Variants in PTCHD4 observed in about 807,000 individuals in gnomAD.
PTCHD4 encodes patched domain-containing protein 4.
PTCHD4 carries 33 observed loss-of-function variants against 58.1 expected under a neutral mutation model. The observed-to-expected ratio is 0.57, with a 90% CI of 0.43 to 0.76. The LOEUF (loss-of-function observed/expected upper bound fraction) is 0.76. PTCHD4 is among the 30% of genes least tolerant of loss of function. The probability of loss-of-function intolerance (pLI) is 0.00; values close to 1 mark genes in which losing one functional copy is unlikely to be tolerated. For synonymous variants in PTCHD4, 478 were observed against 409.6 expected, an observed-to-expected ratio of 1.17 and a Z score of -2.02; for missense variants, 1,058 against 1,027.1, an observed-to-expected ratio of 1.03 and a Z score of -0.41.
At chr6:47,978,175 T>A (rs935034678) in intron 4 of PTCHD4, among the ~76,000 whole-genome samples, 9 of 152,152 alleles carry the variant, frequency 5.9e-5, no homozygotes, top group African/African-American at 2.2e-4. Context: ...TTGATTCTTT[T>A]AGGATTTCCT....
chr6:47,918,806 G>A (rs2113881243), intron 4 of PTCHD4, among the ~76,000 whole-genome samples: 1 of 152,222 alleles, frequency 6.6e-6, no homozygotes, highest in Non-Finnish European at 1.5e-5. Flanking sequence ...GATTAACTTT[G>A]AAATTTTCAT....
intron 4 of PTCHD4, among the ~76,000 whole-genome samples, chr6:47,891,528 T>G (rs1764381620): frequency 6.6e-6 from 1 of 152,092 alleles, no homozygotes; most frequent in Admixed American, 6.6e-5. Context: ...TAATTGGCCC[T>G]CCTTTACCAA....
intron 4 of PTCHD4, among the ~76,000 whole-genome samples, chr6:47,895,514 G>C (rs1265920925): frequency 6.6e-6 from 1 of 152,094 alleles, no homozygotes; most frequent in East Asian, 1.9e-4. Flanking sequence ...CATTGACATG[G>C]GAATCTTCAA....
chr6:48,001,287 T>C lies in PTCHD4; in HGVS notation c.898+7347A>G, dbSNP rs575369893. ...AGTTCATATGGAACCAAAAAAGAGC[T>C]CACATTGCCAAGTCAATCCTAAGCC... On this transcript the variant is annotated intron_variant, in intron 4 of 4. Coordinates refer to ENST00000339488, the MANE Select transcript of PTCHD4 (RefSeq NM_001384253.1). Among the ~76,000 whole-genome samples the C allele has an allele frequency of 1.1e-3, 173 of 152,200 alleles. 1 individual carries two copies. The South Asian group carries it at 0.034, about 30-fold the overall frequency.
intron 3 of PTCHD4, among the ~76,000 whole-genome samples, chr6:48,039,841 AT>A (rs1421370560): frequency 6.6e-6 from 1 of 152,076 alleles, no homozygotes; most frequent in African/African-American, 2.4e-5. Flanking sequence ...TCAGATGAAT[AT>A]GTGATATTTA....
At chr6:48,022,015 A>G (rs1763088056) in intron 3 of PTCHD4, among the ~76,000 whole-genome samples, 1 of 152,108 alleles carries the variant, frequency 6.6e-6, no homozygotes, top group African/African-American at 2.4e-5. Flanking sequence ...CGTAGCCTTT[A>G]TTTACATTTG....
At chr6:48,069,980 A>G (rs942325307) in intron 1 of PTCHD4, among the ~76,000 whole-genome samples, 54 bp from the exon 2 acceptor site, 3 of 152,074 alleles carry the variant, frequency 2.0e-5, no homozygotes, top group African/African-American at 7.2e-5. Flanking sequence ...AGTCACTTGT[A>G]AAAAACAGTG....
chr6:47,898,681 C>T lies in PTCHD4; in HGVS notation c.899-18745G>A, dbSNP rs111332591. ...TTGTGGTAAACTAGATAGGAGGATACTTCTACCTCCCAACTTGATGTAGAC... is the reference window on the plus strand; with the variant it reads ...TTGTGGTAAACTAGATAGGAGGATATTTCTACCTCCCAACTTGATGTAGAC... On this transcript the variant is annotated intron_variant, in intron 4 of 4. Coordinates refer to ENST00000339488, the MANE Select transcript of PTCHD4 (RefSeq NM_001384253.1). 6.6e-3 allele frequency among the ~76,000 whole-genome samples: 998 copies of T among 152,278 alleles called. 10 individuals are homozygous for T. Among genetic ancestry groups the T allele is most frequent in the African/African-American group, 0.023 (950 of 41,542 alleles).
intron 4 of PTCHD4, among the ~76,000 whole-genome samples, chr6:47,955,802 A>C (rs1313632147): frequency 6.6e-6 from 1 of 152,188 alleles, no homozygotes; most frequent in Non-Finnish European, 1.5e-5. Flanking sequence ...TGTGTGAAAA[A>C]CACTGAGAGT....
chr6:48,027,035 GC>G (rs1410234622), intron 3 of PTCHD4, among the ~76,000 whole-genome samples: 2 of 151,838 alleles, frequency 1.3e-5, no homozygotes, highest in South Asian at 4.2e-4. Flanking sequence ...CTGAGTCATG[GC>G]TAAAATTTTT....
intron 3 of PTCHD4, among the ~76,000 whole-genome samples, chr6:48,027,102 T>A (rs555674270): frequency 3.3e-5 from 5 of 152,278 alleles, no homozygotes; most frequent in African/African-American, 1.2e-4. Context: ...TGTATGTTTA[T>A]ACATGTGTAT....
intron 4 of PTCHD4, among the ~76,000 whole-genome samples, chr6:47,937,470 G>T (rs1195320978): frequency 2.0e-5 from 3 of 152,198 alleles, no homozygotes; most frequent in Non-Finnish European, 4.4e-5. Flanking sequence ...ATTGGAGTTT[G>T]CTGCTAACCT....
intron 4 of PTCHD4, among the ~76,000 whole-genome samples, chr6:47,949,759 G>A (rs1766563942): frequency 6.6e-6 from 1 of 151,872 alleles, no homozygotes; most frequent in Non-Finnish European, 1.5e-5. Context: ...TGATCTATAA[G>A]CCATGTTTTC....
chr6:47,898,155 A>G (rs556019136), intron 4 of PTCHD4, among the ~76,000 whole-genome samples: 8 of 152,024 alleles, frequency 5.3e-5, no homozygotes, highest in Non-Finnish European at 1.0e-4. Context: ...CGTGTTAGCC[A>G]GGATGGTCTC....
At chr6:47,914,698 C>T (rs1182989256) in intron 4 of PTCHD4, among the ~76,000 whole-genome samples, 2 of 96,798 alleles carry the variant, frequency 2.1e-5, no homozygotes, top group African/African-American at 6.2e-5. Flanking sequence ...ATCTATCTGT[C>T]TGTCTGTCTG....
At chr6:47,975,622 T>TCC (rs1225789931) in intron 4 of PTCHD4, among the ~76,000 whole-genome samples, 2 of 152,150 alleles carry the variant, frequency 1.3e-5, no homozygotes, top group African/African-American at 4.8e-5. Flanking sequence ...CTGTCTTCCT[T>TCC]CCCCCATGCA....
intron 4 of PTCHD4, among the ~76,000 whole-genome samples, chr6:47,975,033 T>G (rs1767642064): frequency 6.6e-6 from 1 of 152,188 alleles, no homozygotes; most frequent in South Asian, 2.1e-4. Flanking sequence ...AACAGTTGAC[T>G]CATCTCCTCT....
intron 3 of PTCHD4, among the ~76,000 whole-genome samples, chr6:48,018,693 A>T (rs1330799673): frequency 6.6e-6 from 1 of 152,218 alleles, no homozygotes; most frequent in Non-Finnish European, 1.5e-5. Context: ...CCATTTGCTT[A>T]TCAAATACTA....
chr6:48,023,925 C>T (rs1267351233), intron 3 of PTCHD4, among the ~76,000 whole-genome samples: 1 of 152,120 alleles, frequency 6.6e-6, no homozygotes, highest in Non-Finnish European at 1.5e-5. Flanking sequence ...ACCACCTTGG[C>T]ATCACAGGCA....
Sources: allele counts gnomAD v4.1 joint callset (sites outside exome capture counted in the v4.1 genomes callset), GRCh38; gene constraint gnomAD v4.1.1; transcripts MANE v1.5; gene names NCBI Gene and HGNC (gene_info 2026-07-23, HGNC 2026-07-21).